Variants in RAP1GDS1 observed in about 807,000 individuals in gnomAD.
The protein encoded by RAP1GDS1 is Rap1 GTPase-GDP dissociation stimulator 1.
A neutral mutation model predicts 71.1 loss-of-function variants in RAP1GDS1; 35 were observed. That is an observed-to-expected ratio of 0.49 (90% CI 0.38 to 0.65). The LOEUF is 0.65. Ranked by LOEUF, RAP1GDS1 falls within the 30% of genes least tolerant of loss-of-function variation. RAP1GDS1 has a pLI of 0.00. For synonymous variants in RAP1GDS1, 229 were observed against 243.1 expected (o/e 0.94, Z 0.54); for missense variants, 663 against 706.1 (o/e 0.94, Z 0.69).
intron 2 of RAP1GDS1, among the ~76,000 whole-genome samples, chr4:98,313,585 T>G (rs1730564945): frequency 6.6e-6 from 1 of 152,194 alleles, no homozygotes; most frequent in South Asian, 2.1e-4. Context: ...AGCTCACAGC[T>G]GTAATCCCAG....
intron 4 of RAP1GDS1, among the ~76,000 whole-genome samples, chr4:98,355,212 A>C (rs1027754886): frequency 3.3e-5 from 5 of 152,118 alleles, no homozygotes; most frequent in African/African-American, 1.2e-4. Flanking sequence ...TTAATTCATC[A>C]ACCTTCTTCA....
At chr4:98,291,226 A>G (rs939123469) in intron 1 of RAP1GDS1, among the ~76,000 whole-genome samples, 1 of 152,152 alleles carries the variant, frequency 6.6e-6, no homozygotes, top group African/African-American at 2.4e-5. Flanking sequence ...TTAATGACCA[A>G]GTCAACTTTG....
intron 2 of RAP1GDS1, among the ~76,000 whole-genome samples, chr4:98,317,179 A>G (rs1731059690): frequency 6.6e-6 from 1 of 152,076 alleles, no homozygotes; most frequent in Admixed American, 6.5e-5. Context: ...AAATAAGGCC[A>G]GCTTGTGATA....
At chr4:98,334,115 C>T (rs1032028348) in intron 2 of RAP1GDS1, among the ~76,000 whole-genome samples, 1 of 152,070 alleles carries the variant, frequency 6.6e-6, no homozygotes, top group Non-Finnish European at 1.5e-5. Flanking sequence ...CTATGTATTT[C>T]ATGTAAGCGC....
chr4:98,404,418 G>A (rs1267858221), intron 6 of RAP1GDS1, 59 bp from the exon 7 acceptor site: 3 of 1,455,158 alleles, frequency 2.1e-6, no homozygotes, highest in African/African-American at 2.9e-5. Context: ...AGTATTGAAA[G>A]TATTAGAAAA....
At chr4:98,419,090 C>T (rs2110188728) in intron 10 of RAP1GDS1, among the ~76,000 whole-genome samples, 1 of 152,320 alleles carries the variant, frequency 6.6e-6, no homozygotes, top group East Asian at 1.9e-4. Context: ...GGGTCTCACT[C>T]TGTCAGCCAG....
At chr4:98,396,597 C>T (rs1744581461) in intron 6 of RAP1GDS1, 1 of 152,152 alleles carries the variant, frequency 6.6e-6, no homozygotes, top group Non-Finnish European at 1.5e-5. Context: ...TGCCCTACCC[C>T]ATTTGGAGGA....
chr4:98,341,054 G>A (rs1317620331), intron 2 of RAP1GDS1, among the ~76,000 whole-genome samples: 2 of 152,050 alleles, frequency 1.3e-5, no homozygotes. Flanking sequence ...AATACACTTT[G>A]TAGTTATTTA....
intron 2 of RAP1GDS1, among the ~76,000 whole-genome samples, chr4:98,305,154 C>A (rs1405544267): frequency 1.3e-5 from 2 of 152,084 alleles, no homozygotes; most frequent in East Asian, 3.9e-4. Flanking sequence ...TATACAGGCT[C>A]TTTTTTGATT....
At chr4:98,349,529 T>A (rs1329424442) in intron 3 of RAP1GDS1, among the ~76,000 whole-genome samples, 1 of 152,210 alleles carries the variant, frequency 6.6e-6, no homozygotes, top group African/African-American at 2.4e-5. Flanking sequence ...TTGATGGGGA[T>A]GGCATTGAAT....
intron 2 of RAP1GDS1, among the ~76,000 whole-genome samples, chr4:98,312,500 A>T (rs965519543): frequency 5.9e-5 from 9 of 152,132 alleles, no homozygotes; most frequent in Admixed American, 2.0e-4. Flanking sequence ...GCTGGCCCTC[A>T]TATGATGACA....
intron 1 of RAP1GDS1, among the ~76,000 whole-genome samples, chr4:98,268,147 T>A (rs1349167788): frequency 6.6e-6 from 1 of 152,172 alleles, no homozygotes; most frequent in Non-Finnish European, 1.5e-5. Context: ...ATCCCTGGGA[T>A]GCAAGAATGG....
chr4:98,288,493 C>T (rs914399342), intron 1 of RAP1GDS1, among the ~76,000 whole-genome samples: 2 of 152,090 alleles, frequency 1.3e-5, no homozygotes, highest in South Asian at 2.1e-4. Flanking sequence ...AGTAAACATA[C>T]GTGTGCATGT....
chr4:98,269,565 G>T (rs557693569), intron 1 of RAP1GDS1, among the ~76,000 whole-genome samples: 1 of 152,096 alleles, frequency 6.6e-6, no homozygotes, highest in South Asian at 2.1e-4. Flanking sequence ...TTTGCAAGCC[G>T]TATATCCGAT....
chr4:98,370,316 G>C (rs1220820075), intron 4 of RAP1GDS1, among the ~76,000 whole-genome samples: 1 of 152,050 alleles, frequency 6.6e-6, no homozygotes, highest in African/African-American at 2.4e-5. Flanking sequence ...TATTAAGTAG[G>C]ATTTAACTTA....
intron 4 of RAP1GDS1, among the ~76,000 whole-genome samples, chr4:98,361,736 C>A (rs1468519481): frequency 6.6e-6 from 1 of 152,128 alleles, no homozygotes; most frequent in African/African-American, 2.4e-5. Flanking sequence ...AGATTTAATT[C>A]ATTTACTTTT....
intron 4 of RAP1GDS1, among the ~76,000 whole-genome samples, chr4:98,371,181 C>T (rs28529663): frequency 0.045 from 6,601 of 148,178 alleles, 343 homozygotes; most frequent in African/African-American, 0.13. Flanking sequence ...AGCAGGATCT[C>T]GGCTTACTGC....
intron 1 of RAP1GDS1, among the ~76,000 whole-genome samples, chr4:98,277,527 TTATTA>T (rs1724405998): frequency 6.6e-6 from 1 of 152,168 alleles, no homozygotes; most frequent in Non-Finnish European, 1.5e-5. Flanking sequence ...TTTGATTCTG[TTATTA>T]TATTATTTCT....
chr4:98,335,717 A>T (rs1381060373), intron 2 of RAP1GDS1, among the ~76,000 whole-genome samples: 2 of 151,800 alleles, frequency 1.3e-5, no homozygotes, highest in African/African-American at 4.8e-5. Flanking sequence ...GTTGTCTTTT[A>T]AGATGATACT....
Sources: gnomAD v4.1 joint callset for allele counts (sites outside exome capture counted in the v4.1 genomes callset) on GRCh38, gnomAD v4.1.1 for gene constraint, MANE v1.5 for transcripts, NCBI Gene and HGNC (gene_info 2026-07-23, HGNC 2026-07-21) for gene names.